IFI27L1: variants seen among roughly 807,000 people sequenced by gnomAD.
IFI27L1 encodes the protein interferon alpha inducible protein 27 like 1.
In IFI27L1, 3 loss-of-function variants were observed where a neutral mutation model predicts 9.2. The ratio of observed to expected loss-of-function variants is 0.32; its 90% CI spans 0.15 to 0.84. The LOEUF is 0.84. Ranked by LOEUF, IFI27L1 falls within the 40% of genes least tolerant of loss-of-function variation. IFI27L1 has a pLI of 0.56. For missense variants in IFI27L1, 133 were observed against 134.2 expected (o/e 0.99, Z 0.05); for synonymous variants, 53 against 50.0 (o/e 1.06, Z -0.26).
intron 1 of IFI27L1, among the ~76,000 whole-genome samples, chr14:94,090,353 C>T (rs543662535): frequency 6.6e-6 from 1 of 152,218 alleles, no homozygotes; most frequent in Non-Finnish European, 1.5e-5. Context: ...ATTTTTCTCT[C>T]TCCAGTCCTC....
chr14:94,100,451 C>A (rs769306635), intron 2 of IFI27L1: 4 of 985,156 alleles, frequency 4.1e-6, no homozygotes, highest in Non-Finnish European at 4.8e-6. Flanking sequence ...ACTCAGGAGG[C>A]CCAGGCATGC....
At chr14:94,101,781 A>G in intron 3 of IFI27L1, 33 bp from the exon 4 acceptor site, 1 of 1,612,796 alleles carries the variant, frequency 6.2e-7, no homozygotes. Context: ...ACTCCGTCCC[A>G]TGGGGCCAAC....
At chr14:94,100,633 G>C in intron 2 of IFI27L1, 106 bp from the exon 3 acceptor site, 1 of 1,594,114 alleles carries the variant, frequency 6.3e-7, no homozygotes, top group African/African-American at 1.3e-5. Flanking sequence ...TTCAGAAGAG[G>C]GAAAGAATAG....
At chr14:94,091,898 T>G (rs894639511) in intron 1 of IFI27L1, among the ~76,000 whole-genome samples, 2 of 150,610 alleles carry the variant, frequency 1.3e-5, no homozygotes, top group African/African-American at 4.9e-5. Flanking sequence ...CCAAGGCAGG[T>G]GGATCACCTG....
chr14:94,082,286 A>G (rs1233810265), intron 1 of IFI27L1, among the ~76,000 whole-genome samples: 1 of 151,708 alleles, frequency 6.6e-6, no homozygotes, highest in East Asian at 1.9e-4. Flanking sequence ...AGGAAGCTAT[A>G]GAAGTTTGAA....
At chr14:94,081,782 T>C (rs1886115835) in intron 1 of IFI27L1, among the ~76,000 whole-genome samples, 1 of 152,206 alleles carries the variant, frequency 6.6e-6, no homozygotes, top group Non-Finnish European at 1.5e-5. Context: ...CAAACGTAAT[T>C]GATAAATGTT....
chr14:94,082,661 G>T (rs10149855), intron 1 of IFI27L1, among the ~76,000 whole-genome samples: 3,224 of 152,294 alleles, frequency 0.021, 105 homozygotes, highest in African/African-American at 0.074. Context: ...AATATAATCT[G>T]CCTGTGCTCT....
At position 94,102,583 on chromosome 14, in the gene IFI27L1, C is replaced by G. The variant is rs1352370627; in HGVS notation, c.*15C>G. On this transcript the variant is annotated 3_prime_UTR_variant, in exon 5 of 5. Coordinates refer to ENST00000555523, the MANE Select transcript of IFI27L1 (RefSeq NM_206949.3). ...CTTCCAGCTGAACACCACACTGAGG[C>G]AGGGAGTTGGCTCTCTTGGTGGAGA... is the stretch of plus-strand genomic sequence containing the variant. 1.4e-6 allele frequency: 2 copies of G among 1,472,760 alleles called. No individual in the cohort carries two copies. The highest frequency in any genetic ancestry group is 1.8e-6 in the Non-Finnish European group (2 of 1,099,332). 91.2% of individuals were successfully genotyped at this position (1,472,760 alleles called of 1,614,324 possible).
chr14:94,098,104 G>A (rs1886741463), intron 2 of IFI27L1, among the ~76,000 whole-genome samples: 1 of 152,168 alleles, frequency 6.6e-6, no homozygotes, highest in Non-Finnish European at 1.5e-5. Flanking sequence ...GGAGGATGAG[G>A]CCAGGTGAGG....
chr14:94,101,260 G>A, intron 3 of IFI27L1: 1 of 239,952 alleles, frequency 4.2e-6, no homozygotes, highest in Non-Finnish European at 8.1e-6. Flanking sequence ...TCTGTCACCT[G>A]CACCACATTT....
In IFI27L1 at chr14:94,090,400, G is replaced by A. The variant is rs565687442; in HGVS notation, c.-51-6487G>A. On this transcript the variant is annotated intron_variant, in intron 1 of 4. Transcript: ENST00000555523. ...AAACAAATCATAATTTGACAGATTT[G>A]GTTTATTATACCTGGCCTGATTATT... Among the ~76,000 whole-genome samples the A allele has an allele frequency of 1.2e-4, 19 of 152,204 alleles. No individual in the cohort carries two copies. In the South Asian group the frequency reaches 3.9e-3, roughly 32 times the overall value.
At chr14:94,093,139 C>A (rs1361991226) in intron 1 of IFI27L1, among the ~76,000 whole-genome samples, 1 of 151,088 alleles carries the variant, frequency 6.6e-6, no homozygotes, top group African/African-American at 2.4e-5. Context: ...TCCTCCTTTT[C>A]ATCAAAATTT....
chr14:94,097,704 G>T (rs934119587), intron 2 of IFI27L1: 13 of 702,138 alleles, frequency 1.9e-5, no homozygotes, highest in Non-Finnish European at 3.4e-5. Flanking sequence ...CGGATAGATT[G>T]CTGTGAAGGA....
intron 2 of IFI27L1, 118 bp downstream of exon 2, chr14:94,097,083 A>C: frequency 1.4e-6 from 1 of 697,328 alleles, no homozygotes; most frequent in Non-Finnish European, 2.2e-6. Context: ...GAGGCTATCC[A>C]TGGAAAAGAA....
chr14:94,089,094 G>A (rs1027299547), intron 1 of IFI27L1: 2 of 152,078 alleles, frequency 1.3e-5, no homozygotes, highest in African/African-American at 2.4e-5. Context: ...GTTGGGTCAT[G>A]GCTCACTGCA....
intron 1 of IFI27L1, chr14:94,094,779 C>T (rs1176655632): frequency 6.6e-6 from 1 of 152,206 alleles, no homozygotes; most frequent in Admixed American, 6.5e-5. Context: ...AGCACCCTCT[C>T]TTGGAGTCTG....
At chr14:94,083,111 T>C (rs1886166409) in intron 1 of IFI27L1, among the ~76,000 whole-genome samples, 1 of 152,222 alleles carries the variant, frequency 6.6e-6, no homozygotes, top group Non-Finnish European at 1.5e-5. Flanking sequence ...CGGAAGAAGT[T>C]GACTCCAGTT....
chr14:94,098,018 C>T (rs540863850), intron 2 of IFI27L1, among the ~76,000 whole-genome samples: 83 of 152,280 alleles, frequency 5.5e-4, no homozygotes, highest in Non-Finnish European at 1.0e-3. Context: ...CCTGGACACA[C>T]CCACACTGCA....
intron 2 of IFI27L1, chr14:94,100,122 G>T (rs116429561): frequency 3.5e-5 from 8 of 230,020 alleles, no homozygotes; most frequent in Non-Finnish European, 4.3e-5. Context: ...TGAAAGACAC[G>T]TTTTTGGGAA....
Sources: gnomAD v4.1 joint callset for allele counts (sites outside exome capture counted in the v4.1 genomes callset) on GRCh38, gnomAD v4.1.1 for gene constraint, MANE v1.5 for transcripts, NCBI Gene and HGNC (gene_info 2026-07-23, HGNC 2026-07-21) for gene names.